Variants in GTF3C1 observed in about 807,000 individuals in gnomAD.
The protein encoded by GTF3C1 is general transcription factor IIIC subunit 1.
A neutral mutation model predicts 226.7 loss-of-function variants in GTF3C1; 57 were observed. The ratio of observed to expected loss-of-function variants is 0.25; its 90% confidence interval spans 0.20 to 0.31. The LOEUF is 0.31. Among genes scored for constraint, GTF3C1 ranks in the 10% least tolerant of loss-of-function variants. GTF3C1 has a pLI of 1.00. For synonymous variants in GTF3C1, 1,090 were observed against 1,084.8 expected (o/e 1.00, Z -0.09); for missense variants, 2,217 against 2,776.1 (o/e 0.80, Z 4.53).
intron 7 of GTF3C1, 46 bp from the exon 8 acceptor site, chr16:27,508,701 G>A (rs756759431): frequency 3.6e-6 from 5 of 1,391,570 alleles, no homozygotes; most frequent in Non-Finnish European, 5.1e-6. Flanking sequence ...CAAAGGAGCT[G>A]TTCTGCACAA....
In GTF3C1 at chr16:27,549,912, C is replaced by G. The variant is rs756585116; in HGVS notation, c.-22G>C. 1.9e-5 allele frequency: 31 copies of G among 1,594,032 alleles called. No individual in the cohort carries two copies. In the Admixed American group the frequency reaches 5.2e-4, roughly 27 times the overall value. Reference sequence around the variant, plus strand: ...CCATTGCTACTTCAGTCGGCGGCGCCCGGGGCGCATGCGCAACGCACCGCC... The same window carrying G: ...CCATTGCTACTTCAGTCGGCGGCGCGCGGGGCGCATGCGCAACGCACCGCC... On this transcript the variant is annotated 5_prime_UTR_variant, in exon 1 of 37. Coordinates refer to ENST00000356183, the MANE Select transcript of GTF3C1 (RefSeq NM_001520.4).
At chr16:27,508,001 T>A (rs1596641816) in intron 8 of GTF3C1, among the ~76,000 whole-genome samples, 2 of 152,258 alleles carry the variant, frequency 1.3e-5, no homozygotes, top group South Asian at 4.1e-4. Context: ...GGTGGCCACA[T>A]CACCTTCTGA....
intron 10 of GTF3C1, 55 bp downstream of exon 10, chr16:27,505,844 G>A (rs1300878573): frequency 7.1e-6 from 7 of 980,026 alleles, no homozygotes; most frequent in South Asian, 5.4e-5. Flanking sequence ...ACACAGAAAC[G>A]ATGAGGCCAC....
intron 6 of GTF3C1, among the ~76,000 whole-genome samples, chr16:27,512,756 A>G (rs549066512): frequency 6.6e-6 from 1 of 152,362 alleles, no homozygotes; most frequent in Non-Finnish European, 1.5e-5. Flanking sequence ...AGGTACAAGG[A>G]AAAATGGGGA....
At chr16:27,515,661 C>T (rs1468421804) in intron 6 of GTF3C1, among the ~76,000 whole-genome samples, 3 of 152,158 alleles carry the variant, frequency 2.0e-5, no homozygotes, top group African/African-American at 7.2e-5. Flanking sequence ...GTGTTTCCAT[C>T]TCAAGTTCCA....
intron 6 of GTF3C1, among the ~76,000 whole-genome samples, chr16:27,525,446 T>C (rs1007064096): frequency 5.9e-5 from 9 of 152,200 alleles, no homozygotes; most frequent in Admixed American, 5.9e-4. Context: ...TCTAGGAAGG[T>C]TTCCTAACCT....
chr16:27,545,262 C>A (rs1386513294), intron 2 of GTF3C1, 52 bp downstream of exon 2: 6 of 1,310,552 alleles, frequency 4.6e-6, no homozygotes, highest in South Asian at 2.4e-5. Context: ...CAGGCGTGAG[C>A]CACCGTACCC....
In GTF3C1 at chr16:27,481,146, T is replaced by C. The variant is rs1241618426; in HGVS notation, c.4129A>G (p.Lys1377Glu). The change falls in exon 27 of 37, where the codon AAG becomes GAG. Residue 1377 changes from lysine to glutamate, a missense_variant. Physicochemically the swap from Lys to Glu is moderately conservative, Grantham distance 56. Coordinates refer to ENST00000356183, the MANE Select transcript of GTF3C1 (RefSeq NM_001520.4). ...GAATTCCTTAGGGCTGAACTGAACT[T>C]TTCTTTAAGCTTCTCCACAAATTCT... ...FKEFVEKLKEKFSSALRNSNL... is the reference protein window; with the variant it reads ...FKEFVEKLKEEFSSALRNSNL... 2 of 1,614,214 alleles carry C rather than the reference T, an allele frequency of 1.2e-6. No homozygotes were observed. Among genetic ancestry groups the C allele is most frequent in the East Asian group, 2.2e-5 (1 of 44,884 alleles).
In GTF3C1 at chr16:27,528,668, C is replaced by T. The variant is rs773869833; in HGVS notation, c.903G>A (p.Gly301=). ...AGCGAAGAGACACCACCTTGGCTAG[C>T]CCGGCGTTCAGCATATACTGGTACA... The part of the protein sequence containing the change: ...KRLYQYMLNA[G]LAKVVSLRLQ... The change falls in exon 6 of 37, where the codon GGG becomes GGA. Residue 301 remains glycine, a synonymous_variant. Transcript: ENST00000356183. The T allele has an allele frequency of 1.5e-5, 24 of 1,612,858 alleles. No individual in the cohort carries two copies. In the East Asian group the frequency reaches 5.1e-4, roughly 34 times the overall value.
In GTF3C1 at chr16:27,469,440, T is replaced by G; in HGVS notation, c.4925A>C (p.His1642Pro). ...SMEVKPAQASHTNYLLMRGYY... is the reference protein window; with the variant it reads ...SMEVKPAQASPTNYLLMRGYY... The stretch of plus-strand genomic sequence containing the variant: ...GCCCCTCATCAGCAGGTAGTTGGTG[T>G]GGGAGGCTTGCGCAGGTTTCACCTC... Residue 1642 changes from histidine to proline, a missense_variant, in exon 32 of 37, where the codon CAC becomes CCC. Transcript: ENST00000356183. This position sits in a 1 kb window ranked among gnomAD's most constrained non-coding sequence, Gnocchi z 4.5. 1.2e-6 allele frequency: 2 copies of G among 1,614,196 alleles called. No individual in the cohort carries two copies. Among genetic ancestry groups the G allele is most frequent in the Non-Finnish European group, 1.7e-6 (2 of 1,180,016 alleles).
At chr16:27,465,618 G>A in intron 32 of GTF3C1, 78 bp from the exon 33 acceptor site, 1 of 1,151,150 alleles carries the variant, frequency 8.7e-7, no homozygotes, top group South Asian at 1.5e-5. Context: ...GCCACACCCA[G>A]GAAAGGCATG....
In GTF3C1 at chr16:27,502,999, G is replaced by C; in HGVS notation, c.1771-4C>G. 2 of 1,611,688 alleles carry C rather than the reference G, an allele frequency of 1.2e-6. No homozygotes were observed. Among genetic ancestry groups the C allele is most frequent in the Non-Finnish European group, 1.7e-6 (2 of 1,177,878 alleles). The stretch of plus-strand genomic sequence containing the variant: ...TCTTCAGGGAACTGCTACTCTCCTA[G>C]AACAGAGACCGAAAGCACAAGATGC... On this transcript the variant is annotated splice_polypyrimidine_tract_variant and splice_region_variant and intron_variant, in intron 10 of 36. Coordinates refer to ENST00000356183, the MANE Select transcript of GTF3C1 (RefSeq NM_001520.4).
intron 6 of GTF3C1, among the ~76,000 whole-genome samples, chr16:27,514,424 T>C (rs540481866): frequency 6.6e-6 from 1 of 152,190 alleles, no homozygotes; most frequent in Admixed American, 6.5e-5. Flanking sequence ...ATCTGAAGGC[T>C]CGGGCACTGG....
intron 6 of GTF3C1, 49 bp downstream of exon 6, chr16:27,528,549 A>C: frequency 6.7e-7 from 1 of 1,491,720 alleles, no homozygotes; most frequent in African/African-American, 1.4e-5. Context: ...TAGAAGACAG[A>C]AGTGAGAGCC....
chr16:27,501,150 G>A (rs772634077), intron 12 of GTF3C1, 41 bp downstream of exon 12: 9 of 1,565,946 alleles, frequency 5.7e-6, no homozygotes, highest in Non-Finnish European at 7.0e-6. Flanking sequence ...ACTTCCAACA[G>A]CACGAGGCTG....
rs1237492536 is a variant in GTF3C1, at chr16:27,538,307, C to T, written c.481G>A (p.Ala161Thr). 6.2e-7 allele frequency: 1 copy of T among 1,604,728 alleles called. No individual in the cohort carries two copies. Among genetic ancestry groups the T allele is most frequent in the Admixed American group, 1.7e-5 (1 of 58,042 alleles). Residue 161 changes from alanine to threonine, a missense_variant, in exon 3 of 37, where the codon GCC becomes ACC. Around this residue, in one of 12 missense-constraint regions of GTF3C1, gnomAD observed 192 missense variants for 251.8 expected, o/e 0.76. Transcript: ENST00000356183. ...GGATCCCCCTCCTGGCCTATCAAGG[C>T]CCTGTACCGCATGGCCTGGGAGGCA... ...IVASQAMRYRALIGQEGDPDL... is the reference protein window; with the variant it reads ...IVASQAMRYRTLIGQEGDPDL...
intron 2 of GTF3C1, among the ~76,000 whole-genome samples, chr16:27,543,156 C>T (rs767465894): frequency 6.6e-5 from 10 of 152,126 alleles, no homozygotes; most frequent in Admixed American, 1.3e-4. Context: ...GAGGCCAAGG[C>T]GGGTGGATCA....
Position 27,469,519 on chromosome 16 carries a change from C to T in GTF3C1, c.4846G>A (p.Glu1616Lys), listed in dbSNP as rs765957926. The change falls in exon 32 of 37, where the codon GAG (glutamate) becomes AAG (lysine). Residue 1616 changes from glutamate (E) to lysine (K), a missense_variant. Glu to Lys is a moderately conservative substitution (Grantham distance 56). Coordinates refer to ENST00000356183, the MANE Select transcript of GTF3C1 (RefSeq NM_001520.4). This position sits in a 1 kb window ranked among gnomAD's most constrained non-coding sequence, Gnocchi z 4.5. Reference protein sequence around the residue: ...LGKDGSLEDDEDEEDDLDEGV... With the variant: ...LGKDGSLEDDKDEEDDLDEGV... ...TCGTCCAAGTCATCCTCTTCATCCT[C>T]GTCATCCTCCAGGCTGCCGTCCTTC... The T allele has an allele frequency of 4.3e-6, 7 of 1,612,624 alleles. No homozygotes were observed. The highest frequency in any genetic ancestry group is 8.5e-7 in the Non-Finnish European group (1 of 1,178,834).
rs1435745270 is a variant in GTF3C1, at chr16:27,470,934, T to C, written c.4527-539A>G. On this transcript the variant is annotated intron_variant, in intron 30 of 36. Transcript: ENST00000356183. This position sits in a 1 kb window ranked among gnomAD's most constrained non-coding sequence, Gnocchi z 4.9. ...ACTGCCCTCGGTTCAGATGGGGACA[T>C]GCGGTCAGAGCAGTGTCTCCGTGAC... is the stretch of plus-strand genomic sequence containing the variant. Among the ~76,000 whole-genome samples, 2 of 152,192 alleles carry C rather than the reference T, an allele frequency of 1.3e-5. No individual in the cohort carries two copies. The highest frequency in any genetic ancestry group is 6.5e-5 in the Admixed American group (1 of 15,284).
Sources: gnomAD v4.1 joint callset for allele counts (sites outside exome capture counted in the v4.1 genomes callset) on GRCh38, gnomAD v4.1.1 for gene constraint, gnomAD v4.1.1 regional missense constraint, Gnocchi (gnomAD v3.1) non-coding constraint, MANE v1.5 for transcripts, NCBI Gene and HGNC (gene_info 2026-07-23, HGNC 2026-07-21) for gene names.